Variants in FHIT observed in about 807,000 individuals in gnomAD.
FHIT encodes fragile histidine triad diadenosine triphosphatase.
FHIT carries 19 observed loss-of-function variants against 17.9 expected under a neutral mutation model. That is an observed-to-expected ratio of 1.06 (90% CI 0.74 to 1.56). FHIT has a LOEUF of 1.56. FHIT is among the 40% of genes most tolerant of loss of function. FHIT has a pLI of 0.00. For missense variants in FHIT, 248 were observed against 189.2 expected, an observed-to-expected ratio of 1.31 and a Z score of -1.82; for synonymous variants, 81 against 69.7, an observed-to-expected ratio of 1.16 and a Z score of -0.81.
intron 5 of FHIT, among the ~76,000 whole-genome samples, chr3:60,423,198 A>G (rs939612297): frequency 6.6e-5 from 10 of 152,142 alleles, no homozygotes; most frequent in African/African-American, 2.4e-4. Flanking sequence ...CAGGTCCTTG[A>G]GTAGAGTAGA....
intron 3 of FHIT, among the ~76,000 whole-genome samples, chr3:60,970,456 TA>T (rs1183289351): frequency 6.6e-6 from 1 of 152,182 alleles, no homozygotes; most frequent in Admixed American, 6.5e-5. Context: ...TGTTTTGTAT[TA>T]ATATAATTAA....
intron 4 of FHIT, among the ~76,000 whole-genome samples, chr3:60,805,217 A>G (rs1312589526): frequency 6.6e-6 from 1 of 152,214 alleles, no homozygotes; most frequent in Non-Finnish European, 1.5e-5. Context: ...AATAAAATCT[A>G]TCAAAGAAAT....
At chr3:61,046,167 C>CAAA (rs1402370743) in intron 2 of FHIT, among the ~76,000 whole-genome samples, 1 of 151,738 alleles carries the variant, frequency 6.6e-6, no homozygotes, top group Non-Finnish European at 1.5e-5. Flanking sequence ...GATAGAGACG[C>CAAA]AAAAAACCCT....
intron 2 of FHIT, among the ~76,000 whole-genome samples, chr3:61,194,978 T>C (rs1282560762): frequency 8.1e-6 from 1 of 122,832 alleles, no homozygotes; most frequent in East Asian, 2.8e-4. Flanking sequence ...AAACAAGAAA[T>C]GCCATAAGCA....
intron 4 of FHIT, among the ~76,000 whole-genome samples, chr3:60,649,766 A>G (rs782272901): frequency 2.6e-5 from 4 of 152,166 alleles, no homozygotes; most frequent in Non-Finnish European, 5.9e-5. Context: ...TTTAATTGTT[A>G]TAAAATAGTC....
Position 60,282,248 on chromosome 3 carries a change from C to T in FHIT, c.103+254612G>A, listed in dbSNP as rs1707495249. 2.0e-5 allele frequency among the ~76,000 whole-genome samples: 3 copies of T among 152,156 alleles called. No individual in the cohort carries two copies. The South Asian group carries it at 6.2e-4, about 31-fold the overall frequency. Reference sequence around the variant, plus strand: ...ACTTTATTCATAATAATCTGTCTTTCACAACACGAGAATGTATAAACAAAC... The same window carrying T: ...ACTTTATTCATAATAATCTGTCTTTTACAACACGAGAATGTATAAACAAAC... On this transcript the variant is annotated intron_variant, in intron 5 of 9. Coordinates refer to ENST00000492590, the MANE Select transcript of FHIT (RefSeq NM_002012.4).
chr3:60,244,246 G>A lies in FHIT; in HGVS notation c.104-230094C>T, dbSNP rs116205506. 2.9e-3 allele frequency among the ~76,000 whole-genome samples: 445 copies of A among 151,988 alleles called. 1 individual carries two copies. Among genetic ancestry groups the A allele is most frequent in the African/African-American group, 0.01 (426 of 41,482 alleles). On this transcript the variant is annotated intron_variant, in intron 5 of 9. Transcript: ENST00000492590. ...TTCATATTTTCCCTATAAATGTCAA[G>A]GAAAGGGAATTGTCTATAGGATACA...
chr3:60,302,750 C>G (rs1247836536), intron 5 of FHIT, among the ~76,000 whole-genome samples: 1 of 152,094 alleles, frequency 6.6e-6, no homozygotes. Context: ...GCTCCTTTAT[C>G]AAAGTTAATT....
intron 4 of FHIT, among the ~76,000 whole-genome samples, chr3:60,684,153 T>G (rs1553697745): frequency 6.6e-6 from 1 of 152,028 alleles, no homozygotes; most frequent in Non-Finnish European, 1.5e-5. Context: ...AGCCCAAAAT[T>G]AAGATGTTTA....
intron 4 of FHIT, among the ~76,000 whole-genome samples, chr3:60,683,288 T>A (rs2107866912): frequency 6.6e-6 from 1 of 152,294 alleles, no homozygotes; most frequent in Admixed American, 6.5e-5. Context: ...TGGCAAACAG[T>A]GCTGTATGCA....
At chr3:60,430,939 C>A (rs1253205886) in intron 5 of FHIT, among the ~76,000 whole-genome samples, 1 of 151,832 alleles carries the variant, frequency 6.6e-6, no homozygotes, top group Non-Finnish European at 1.5e-5. Flanking sequence ...GGGCCAGGTG[C>A]GGTGGCTCAC....
In FHIT at chr3:60,031,621, T is replaced by C. The variant is rs561839597; in HGVS notation, c.104-17469A>G. ...TTTCAGAGTAACCAAACAGCACCAA[T>C]GATGGACAATTCTTCAAAGAATTCT... On this transcript the variant is annotated intron_variant, in intron 5 of 9. Coordinates refer to ENST00000492590, the MANE Select transcript of FHIT (RefSeq NM_002012.4). Among the ~76,000 whole-genome samples, 105 of 152,320 alleles carry C rather than the reference T, an allele frequency of 6.9e-4. 2 individuals carry two copies. The highest frequency in any genetic ancestry group is 2.3e-3 in the African/African-American group (94 of 41,566).
intron 7 of FHIT, among the ~76,000 whole-genome samples, chr3:59,972,926 T>G (rs1371229497): frequency 6.6e-6 from 1 of 152,092 alleles, no homozygotes; most frequent in East Asian, 1.9e-4. Flanking sequence ...CTCACTTCCG[T>G]ATTTTTGCTC....
At chr3:60,462,992 C>T (rs1358528420) in intron 5 of FHIT, among the ~76,000 whole-genome samples, 5 of 152,206 alleles carry the variant, frequency 3.3e-5, no homozygotes, top group Non-Finnish European at 5.9e-5. Context: ...ACTGAGGGAG[C>T]AGCTGCTCCA....
intron 5 of FHIT, among the ~76,000 whole-genome samples, chr3:60,366,965 A>G (rs1000537181): frequency 2.6e-5 from 4 of 152,214 alleles, no homozygotes; most frequent in African/African-American, 9.6e-5. Flanking sequence ...GAAAATATCC[A>G]TCTGATAGAT....
At chr3:60,498,374 C>A (rs961972320) in intron 5 of FHIT, among the ~76,000 whole-genome samples, 2 of 151,932 alleles carry the variant, frequency 1.3e-5, no homozygotes, top group African/African-American at 4.8e-5. Flanking sequence ...ATGTTATACC[C>A]CCTGATTTAC....
intron 5 of FHIT, among the ~76,000 whole-genome samples, chr3:60,202,750 T>A (rs1293323776): frequency 6.6e-6 from 1 of 152,154 alleles, no homozygotes; most frequent in Non-Finnish European, 1.5e-5. Flanking sequence ...CCAAGAATCA[T>A]CAACTTTGTA....
chr3:60,523,028 G>A (rs1349948731), intron 5 of FHIT, among the ~76,000 whole-genome samples: 1 of 152,130 alleles, frequency 6.6e-6, no homozygotes, highest in Non-Finnish European at 1.5e-5. Context: ...AAAAATGAGA[G>A]CCAAGTGAAA....
intron 8 of FHIT, among the ~76,000 whole-genome samples, chr3:59,822,491 T>A (rs1364895922): frequency 1.3e-5 from 2 of 152,148 alleles, no homozygotes; most frequent in East Asian, 3.9e-4. Context: ...TCATGGCCAT[T>A]CTTGCAGGAG....
Sources: gnomAD v4.1 joint callset for allele counts (sites outside exome capture counted in the v4.1 genomes callset) on GRCh38, gnomAD v4.1.1 for gene constraint, MANE v1.5 for transcripts, NCBI Gene and HGNC (gene_info 2026-07-23, HGNC 2026-07-21) for gene names.